CEP170B: variants seen among roughly 807,000 people sequenced by gnomAD.
CEP170B encodes the protein centrosomal protein of 170 kDa protein B.
CEP170B carries 55 observed loss-of-function variants against 120.6 expected under a neutral mutation model. The observed-to-expected ratio is 0.46, with a 90% CI of 0.37 to 0.57. The LOEUF is 0.57. Ranked by LOEUF, CEP170B falls within the 20% of genes least tolerant of loss-of-function variation. The pLI is 0.00. For synonymous variants in CEP170B, 1,033 were observed against 954.5 expected (o/e 1.08, Z -1.52); for missense variants, 2,212 against 2,253.3 (o/e 0.98, Z 0.37).
chr14:104,892,265 C>A (rs576214273), intron 13 of CEP170B, among the ~76,000 whole-genome samples: 1 of 152,130 alleles, frequency 6.6e-6, no homozygotes, highest in African/African-American at 2.4e-5. Flanking sequence ...CTGGGAGCTG[C>A]TCACGGGCCC....
rs747921276 is a variant in CEP170B, at chr14:104,886,548, G to A, written c.2309G>A (p.Arg770His). The stretch of plus-strand genomic sequence containing the variant: ...GGGGTGGAGCCACAGGACAGCAGAC[G>A]CAGGAGCCCCCAGGAGGGGCCCACG... ...EPGVEPQDSR[R>H]RSPQEGPTWS... The change falls in exon 12 of 19, where the codon CGC becomes CAC. Residue 770 changes from arginine to histidine, a missense_variant. Transcript: ENST00000414716. 21 of 1,279,344 alleles carry A rather than the reference G, an allele frequency of 1.6e-5. No individual in the cohort carries two copies. Among genetic ancestry groups the A allele is most frequent in the Non-Finnish European group, 2.2e-5 (21 of 952,960 alleles). 79.2% of individuals were successfully genotyped at this position (1,279,344 alleles called of 1,614,324 possible). A position where few individuals can be genotyped will look rare whatever the true frequency, so the allele number is the denominator to read the frequency against.
intron 6 of CEP170B, among the ~76,000 whole-genome samples, chr14:104,881,208 G>A (rs192304144): frequency 4.1e-4 from 62 of 152,138 alleles, no homozygotes; most frequent in African/African-American, 1.4e-3. Context: ...ACAGCTGCAC[G>A]AGGGTCCGCG....
intron 5 of CEP170B, among the ~76,000 whole-genome samples, chr14:104,879,110 A>G (rs1218744967): frequency 5.9e-5 from 9 of 152,144 alleles, no homozygotes; most frequent in Admixed American, 1.3e-4. Flanking sequence ...AAGGGGCTTT[A>G]GATTCTCTGA....
In CEP170B at chr14:104,872,382, GCA is replaced by G. The variant is rs1301544409; in HGVS notation, c.105+3828_105+3829del. 5.5e-4 allele frequency among the ~76,000 whole-genome samples: 55 copies of G among 100,346 alleles called. 3 individuals carry two copies. The highest frequency in any genetic ancestry group is 1.6e-3 in the African/African-American group (49 of 31,608). The allele number at this position is 100,346 out of a possible 152,430, so 65.8% of individuals were successfully genotyped here. A position where few individuals can be genotyped will look rare whatever the true frequency, so the allele number is the denominator to read the frequency against. ...TGCCGCGTGTGTGTGCCATGGGTGT[GCA>G]TGTGTGCCGTGGGTGTGCGTGGGTG... On this transcript the variant is annotated intron_variant, in intron 2 of 18. Transcript: ENST00000414716.
Position 104,884,554 on chromosome 14 carries a change from A to G in CEP170B, c.1770+5A>G, listed in dbSNP as rs2140700088. 1 of 1,550,338 alleles carries G rather than the reference A, an allele frequency of 6.5e-7. No individual in the cohort carries two copies. Among genetic ancestry groups the G allele is most frequent in the Non-Finnish European group, 8.7e-7 (1 of 1,146,780 alleles). ...GCCCGGAAGATGATCGACCAGGTGCAGCCCAGCGGCGAGTGAGAGCCCTCG... is the reference window on the plus strand; with the variant it reads ...GCCCGGAAGATGATCGACCAGGTGCGGCCCAGCGGCGAGTGAGAGCCCTCG... On this transcript the variant is annotated splice_donor_5th_base_variant and intron_variant, in intron 9 of 18. Transcript: ENST00000414716.
chr14:104,874,683 G>A (rs1026131966), intron 2 of CEP170B, among the ~76,000 whole-genome samples: 6 of 150,206 alleles, frequency 4.0e-5, no homozygotes, highest in African/African-American at 1.5e-4. Context: ...CTCCACTGCA[G>A]TCCTCCCCTC....
At position 104,886,949 on chromosome 14, in the gene CEP170B, G is replaced by C; in HGVS notation, c.2710G>C (p.Asp904His). The C allele has an allele frequency of 6.2e-7, 1 of 1,608,826 alleles. No individual in the cohort carries two copies. Among genetic ancestry groups the C allele is most frequent in the Non-Finnish European group, 8.5e-7 (1 of 1,179,800 alleles). The change falls in exon 12 of 19, where the codon GAC (aspartate) becomes CAC (histidine). Residue 904 changes from aspartate to histidine, a missense_variant. Physicochemically the swap from Asp to His is moderately conservative, Grantham distance 81. Transcript: ENST00000414716. ...GGCCGCTACCCGGGCCGCACGCATGGACTTCCACTCCCAGGACACCCACCT... is the reference window on the plus strand; with the variant it reads ...GGCCGCTACCCGGGCCGCACGCATGCACTTCCACTCCCAGGACACCCACCT... Reference protein sequence around the residue: ...DLAATRAARMDFHSQDTHLIL... With the variant: ...DLAATRAARMHFHSQDTHLIL...
intron 13 of CEP170B, 74 bp from the exon 14 acceptor site, chr14:104,892,902 C>T: frequency 6.7e-6 from 10 of 1,496,290 alleles, no homozygotes; most frequent in Non-Finnish European, 9.1e-6. Flanking sequence ...CTGGGAGGGG[C>T]TTTGAGGCCT....
In CEP170B at chr14:104,883,943, G is replaced by A; in HGVS notation, c.1164G>A (p.Arg388=). ...EASGEQVRLQ[R]QIKRDPQELL... ...GCGGGGAGCAGGTGCGGCTGCAGAG[G>A]CAGATCAAGCGGGACCCCCAGGAGC... The change falls in exon 9 of 19, where the codon AGG becomes AGA. Residue 388 remains arginine (R), a synonymous_variant. Transcript: ENST00000414716. The A allele has an allele frequency of 2.5e-6, 4 of 1,605,262 alleles. No individual in the cohort carries two copies. The highest frequency in any genetic ancestry group is 3.4e-6 in the Non-Finnish European group (4 of 1,176,342).
Position 104,868,657 on chromosome 14 carries a change from G to C in CEP170B, c.105+102G>C. ...CCCACTTGCTGCAGGCCACCCTGGC[G>C]AGGAGGCCGCCATGCAGCCCAGGCT... On this transcript the variant is annotated intron_variant, in intron 2 of 18. Coordinates refer to ENST00000414716, the MANE Select transcript of CEP170B (RefSeq NM_001112726.3). The surrounding 1 kb of genome is among the most constrained non-coding windows in gnomAD (Gnocchi z 5.9). The C allele has an allele frequency of 8.7e-7, 1 of 1,147,516 alleles. No individual in the cohort carries two copies. Among genetic ancestry groups the C allele is most frequent in the Non-Finnish European group, 1.2e-6 (1 of 816,304 alleles). The allele number at this position is 1,147,516 out of a possible 1,614,324, so 71.1% of individuals were successfully genotyped here. A position where few individuals can be genotyped will look rare whatever the true frequency, so the allele number is the denominator to read the frequency against.
chr14:104,872,387 TGTGCC>T (rs1566852490), intron 2 of CEP170B, among the ~76,000 whole-genome samples: 2 of 114,458 alleles, frequency 1.7e-5, no homozygotes, highest in Admixed American at 9.7e-5. Flanking sequence ...GGTGTGCATG[TGTGCC>T]GTGGGTGTGC....
chr14:104,875,008 C>G (rs761726475), intron 2 of CEP170B, among the ~76,000 whole-genome samples: 2 of 152,226 alleles, frequency 1.3e-5, no homozygotes, highest in Non-Finnish European at 2.9e-5. Flanking sequence ...GGAGGCCCTG[C>G]CCTGAGGGTT....
At chr14:104,890,719 T>TG (rs60802019) in intron 13 of CEP170B, among the ~76,000 whole-genome samples, 6,190 of 32,304 alleles carry the variant, frequency 0.19, 1,285 homozygotes, top group African/African-American at 0.35. Flanking sequence ...GATGGATGAG[T>TG]GGTGGGTGGA....
chr14:104,879,233 G>A (rs1003022450), intron 5 of CEP170B, among the ~76,000 whole-genome samples: 3 of 152,098 alleles, frequency 2.0e-5, no homozygotes, highest in East Asian at 1.9e-4. Context: ...GATATTTAGG[G>A]TTCCTTAGGC....
intron 13 of CEP170B, 134 bp from the exon 14 acceptor site, chr14:104,892,839 GGCT>G: frequency 1.0e-6 from 1 of 970,218 alleles, no homozygotes; most frequent in South Asian, 1.5e-5. Flanking sequence ...TTTGGGGCCA[GGCT>G]GGGGAGCACC....
At chr14:104,864,999 C>G (rs1268491839), upstream of CEP170B, among the ~76,000 whole-genome samples, 1 of 148,262 alleles carries the variant, frequency 6.7e-6, no homozygotes. The surrounding 1 kb of genome is among the most constrained non-coding windows in gnomAD (Gnocchi z 5.9). Flanking sequence ...ATGGGGTCTG[C>G]GCCGGGTGCG....
chr14:104,892,061 GGTGACT>G (rs1896875808), intron 13 of CEP170B, among the ~76,000 whole-genome samples: 1 of 152,134 alleles, frequency 6.6e-6, no homozygotes, highest in African/African-American at 2.4e-5. Context: ...CTGTTCCTTG[GGTGACT>G]GCCAGTGTGG....
intron 7 of CEP170B, 60 bp downstream of exon 7, chr14:104,882,892 G>A (rs1385069068): frequency 6.5e-7 from 1 of 1,538,450 alleles, no homozygotes; most frequent in Non-Finnish European, 8.8e-7. Context: ...GTGTGTGAAG[G>A]GGATGGCCTG....
intron 12 of CEP170B, among the ~76,000 whole-genome samples, chr14:104,888,481 T>C (rs1479019013): frequency 1.1e-4 from 17 of 152,062 alleles, no homozygotes; most frequent in Admixed American, 1.1e-3. Context: ...GCAGGCCCCA[T>C]GACCAGGGAG....
Sources: gnomAD v4.1 joint callset for allele counts (sites outside exome capture counted in the v4.1 genomes callset) on GRCh38, gnomAD v4.1.1 for gene constraint, Gnocchi (gnomAD v3.1) non-coding constraint, MANE v1.5 for transcripts, NCBI Gene and HGNC (gene_info 2026-07-23, HGNC 2026-07-21) for gene names.